Variants in METTL2B observed in about 807,000 individuals in gnomAD.
METTL2B encodes the protein tRNA N(3)-cytidine methyltransferase METTL2B.
METTL2B carries 28 observed loss-of-function variants against 51.0 expected under a neutral mutation model. That is an observed-to-expected ratio of 0.55 (90% CI 0.41 to 0.75). The LOEUF is 0.75. Among genes scored for constraint, METTL2B ranks in the 30% least tolerant of loss-of-function variants. METTL2B has a pLI of 0.00. For synonymous variants in METTL2B, 128 were observed against 166.3 expected (o/e 0.77, Z 1.77); for missense variants, 313 against 460.7 (o/e 0.68, Z 2.93).
intron 6 of METTL2B, among the ~76,000 whole-genome samples, chr7:128,495,478 TCTCA>T (rs1792908598): frequency 6.6e-6 from 1 of 151,976 alleles, no homozygotes; most frequent in Non-Finnish European, 1.5e-5. Flanking sequence ...TGAGATGGAG[TCTCA>T]CTCTGTTGCC....
At chr7:128,490,151 T>C (rs1343244676) in intron 5 of METTL2B, among the ~76,000 whole-genome samples, 3 of 152,144 alleles carry the variant, frequency 2.0e-5, no homozygotes, top group Non-Finnish European at 4.4e-5. Context: ...ACAATGTTCA[T>C]AGCATCTTTT....
At chr7:128,496,760 CTTTGTTTGTTTGTTTG>C (rs68069472) in intron 6 of METTL2B, among the ~76,000 whole-genome samples, 7 of 148,962 alleles carry the variant, frequency 4.7e-5, no homozygotes, top group South Asian at 4.3e-4. Flanking sequence ...GCTGCTTTTT[CTTTGTTTGTTTGTTTG>C]TTTGTTTGTT....
At position 128,502,112 on chromosome 7, in the gene METTL2B, T is replaced by C. The variant is rs1240207165; in HGVS notation, c.*196T>C. 1.5e-6 allele frequency: 1 copy of C among 652,428 alleles called. No homozygotes were observed. Among genetic ancestry groups the C allele is most frequent in the Non-Finnish European group, 2.4e-6 (1 of 411,668 alleles). 40.4% of individuals were successfully genotyped at this position (652,428 alleles called of 1,614,324 possible). On this transcript the variant is annotated 3_prime_UTR_variant, in exon 9 of 9. Coordinates refer to ENST00000262432, the MANE Select transcript of METTL2B (RefSeq NM_018396.3). ...CCTGAATCTGAAAGTAATGATAAAA[T>C]AAAAAGAATATAAATGAGGTCTCGT...
intron 4 of METTL2B, 25 bp from the exon 5 acceptor site, chr7:128,488,076 G>T (rs928723388): frequency 3.8e-6 from 4 of 1,062,704 alleles, no homozygotes; most frequent in African/African-American, 1.6e-5. Flanking sequence ...TAGTCTCATT[G>T]TTTTGTCTTT....
intron 5 of METTL2B, among the ~76,000 whole-genome samples, chr7:128,490,306 G>A (rs1353230542): frequency 6.8e-6 from 1 of 148,004 alleles, no homozygotes; most frequent in Non-Finnish European, 1.5e-5. Flanking sequence ...CAGCAATTCA[G>A]TTACATCTTC....
chr7:128,501,083 C>G, intron 8 of METTL2B, 115 bp downstream of exon 8: 1 of 1,550,040 alleles, frequency 6.5e-7, no homozygotes, highest in Non-Finnish European at 8.7e-7. Flanking sequence ...CTGTTTCCTT[C>G]GGTTCCCCGC....
At chr7:128,484,226 T>TTTTTTTTTTTTTTTG (rs1792649971) in intron 4 of METTL2B, 2 of 93,056 alleles carry the variant, frequency 2.1e-5, no homozygotes, top group Non-Finnish European at 4.4e-5. Flanking sequence ...CCTTTTTTTT[T>TTTTTTTTTTTTTTTG]TTTTTTTTTT....
At chr7:128,480,544 C>G (rs1297428866) in intron 3 of METTL2B, 103 bp from the exon 4 acceptor site, 1 of 1,562,604 alleles carries the variant, frequency 6.4e-7, no homozygotes, top group African/African-American at 1.4e-5. Context: ...TTCCCTAATA[C>G]AGTTAGGCCA....
intron 4 of METTL2B, chr7:128,482,949 G>A (rs1799891076): frequency 6.6e-6 from 1 of 152,176 alleles, no homozygotes; most frequent in African/African-American, 2.4e-5. Flanking sequence ...TTAGCCCACA[G>A]TATTCATTAA....
At position 128,502,834 on chromosome 7, in the gene METTL2B, G is replaced by T. The variant is rs1426742058; in HGVS notation, c.*918G>T. 3.3e-6 allele frequency: 1 copy of T among 303,378 alleles called. No homozygotes were observed. Among genetic ancestry groups the T allele is most frequent in the African/African-American group, 2.3e-5 (1 of 43,114 alleles). 18.8% of individuals were successfully genotyped at this position (303,378 alleles called of 1,614,324 possible). On this transcript the variant is annotated 3_prime_UTR_variant, in exon 9 of 9. Transcript: ENST00000262432. ...AATCACTTGAACCCAGGAGGCAGAGGTTGCAGTGAGCTGAGATTGCGCCAC... is the reference window on the plus strand; with the variant it reads ...AATCACTTGAACCCAGGAGGCAGAGTTTGCAGTGAGCTGAGATTGCGCCAC...
Position 128,479,296 on chromosome 7 carries a change from A to T in METTL2B, c.341A>T (p.Asp114Val). 2 of 1,614,268 alleles carry T rather than the reference A, an allele frequency of 1.2e-6. No individual in the cohort carries two copies. Among genetic ancestry groups the T allele is most frequent in the South Asian group, 1.1e-5 (1 of 91,090 alleles). The part of the protein sequence containing the change: ...APSQNQNHLK[D>V]WFLENKSEVC... The stretch of plus-strand genomic sequence containing the variant: ...AGCCAAAATCAAAATCATTTGAAGG[A>T]TTGGTTCTTGGAGAACAAGAGTGAA... The change falls in exon 3 of 9, where the codon GAT (aspartate) becomes GTT (valine). Residue 114 changes from aspartate (D) to valine (V), a missense_variant. Asp to Val is a radical substitution (Grantham distance 152, BLOSUM62 -3). Coordinates refer to ENST00000262432, the MANE Select transcript of METTL2B (RefSeq NM_018396.3).
chr7:128,486,478 T>C (rs189017771), intron 4 of METTL2B, among the ~76,000 whole-genome samples: 1 of 151,736 alleles, frequency 6.6e-6, no homozygotes, highest in African/African-American at 2.4e-5. Flanking sequence ...TGGGCACCTG[T>C]AGTCCCAGCT....
intron 8 of METTL2B, 51 bp from the exon 9 acceptor site, chr7:128,501,711 T>C: frequency 6.2e-7 from 1 of 1,604,376 alleles, no homozygotes. Context: ...TAGATAAAAA[T>C]GCCTTTTCTT....
At chr7:128,497,120 A>C (rs574629291) in intron 6 of METTL2B, among the ~76,000 whole-genome samples, 1 of 152,164 alleles carries the variant, frequency 6.6e-6, no homozygotes. Context: ...TTTTTGGTGA[A>C]GTTTGTAGCA....
chr7:128,477,198 G>T, intron 2 of METTL2B, 25 bp downstream of exon 2: 1 of 1,613,662 alleles, frequency 6.2e-7, no homozygotes, highest in Non-Finnish European at 8.5e-7. Flanking sequence ...GCTCTCGTTG[G>T]TATCAACAGC....
chr7:128,478,733 G>A (rs1242777552), intron 2 of METTL2B, among the ~76,000 whole-genome samples: 1 of 57,660 alleles, frequency 1.7e-5, no homozygotes, highest in African/African-American at 7.1e-5. Context: ...GGGCGTGGTC[G>A]TGGGCCTGTA....
chr7:128,501,577 C>A (rs1584798914), intron 8 of METTL2B, 185 bp from the exon 9 acceptor site: 1 of 985,236 alleles, frequency 1.0e-6, no homozygotes, highest in Non-Finnish European at 1.2e-6. Context: ...GCGGCCTATA[C>A]ACAGTGGCTT....
chr7:128,498,201 A>G (rs1360983189), intron 7 of METTL2B, 59 bp downstream of exon 7: 3 of 1,563,008 alleles, frequency 1.9e-6, no homozygotes, highest in Non-Finnish European at 2.6e-6. Flanking sequence ...AGGGACATGG[A>G]TGAAGCTGGA....
chr7:128,497,692 A>G (rs1774239688), intron 6 of METTL2B, among the ~76,000 whole-genome samples: 1 of 152,084 alleles, frequency 6.6e-6, no homozygotes, highest in Admixed American at 6.6e-5. Context: ...CGTTTTGGCC[A>G]GACTGGTCTC....
Sources: allele counts gnomAD v4.1 joint callset (sites outside exome capture counted in the v4.1 genomes callset), GRCh38; gene constraint gnomAD v4.1.1; transcripts MANE v1.5; gene names NCBI Gene and HGNC (gene_info 2026-07-23, HGNC 2026-07-21).